The following RPIA variants were observed in gnomAD, a reference collection of about 807,000 sequenced individuals.
RPIA encodes ribose 5-phosphate isomerase A.
Under a neutral mutation model 37.8 loss-of-function variants are expected in RPIA, and 29 were observed. That is an observed-to-expected ratio of 0.77 (90% CI 0.57 to 1.05). RPIA has a LOEUF of 1.05. Among genes scored for constraint, RPIA ranks in the 50% least tolerant of loss-of-function variants. The probability of loss-of-function intolerance (pLI) is 0.00; values close to 1 mark genes in which losing one functional copy is unlikely to be tolerated. For missense variants in RPIA, 385 were observed against 413.6 expected (o/e 0.93, Z 0.60); for synonymous variants, 167 against 157.0 (o/e 1.06, Z -0.48).
At chr2:88,720,233 T>TA (rs1673102730) in intron 3 of RPIA, among the ~76,000 whole-genome samples, 3 of 145,964 alleles carry the variant, frequency 2.1e-5, no homozygotes, top group Admixed American at 7.0e-5. Flanking sequence ...AACCTTAATT[T>TA]AAAAAAAAAT....
At chr2:88,717,148 C>A (rs560225116) in intron 3 of RPIA, among the ~76,000 whole-genome samples, 1 of 152,242 alleles carries the variant, frequency 6.6e-6, no homozygotes, top group East Asian at 1.9e-4. Context: ...GAGATAATTT[C>A]TTTATGTCCA....
chr2:88,729,221 A>C, intron 3 of RPIA, 57 bp from the exon 4 acceptor site: 3 of 1,574,212 alleles, frequency 1.9e-6, no homozygotes, highest in Non-Finnish European at 2.6e-6. Context: ...GAATTCTGAG[A>C]ATCCTTGTCA....
chr2:88,736,028 A>G (rs1313825673), intron 6 of RPIA, among the ~76,000 whole-genome samples: 1 of 152,176 alleles, frequency 6.6e-6, no homozygotes, highest in Non-Finnish European at 1.5e-5. Flanking sequence ...GCATGCTCTC[A>G]TGTGTCATGT....
intron 3 of RPIA, among the ~76,000 whole-genome samples, chr2:88,722,225 T>C (rs942682494): frequency 1.3e-5 from 2 of 152,142 alleles, no homozygotes; most frequent in Non-Finnish European, 2.9e-5. Flanking sequence ...CAACTTGTTT[T>C]ATACATAACC....
intron 8 of RPIA, among the ~76,000 whole-genome samples, chr2:88,740,279 T>G (rs17037556): frequency 0.06 from 9,200 of 152,186 alleles, 490 homozygotes; most frequent in African/African-American, 0.14. Flanking sequence ...TCATATGTGA[T>G]TCTTCAAAAA....
At chr2:88,726,119 A>G (rs1355066224) in intron 3 of RPIA, among the ~76,000 whole-genome samples, 1 of 152,126 alleles carries the variant, frequency 6.6e-6, no homozygotes, top group African/African-American at 2.4e-5. Flanking sequence ...GTATGGGGGT[A>G]TGCAGGGGAA....
intron 3 of RPIA, among the ~76,000 whole-genome samples, chr2:88,711,263 A>G (rs1460325117): frequency 2.0e-5 from 3 of 152,240 alleles, no homozygotes; most frequent in African/African-American, 7.2e-5. Context: ...AAACCACCGC[A>G]AGGTGGTCAA....
intron 1 of RPIA, among the ~76,000 whole-genome samples, chr2:88,696,084 A>ATT (rs1282811475): frequency 1.3e-5 from 2 of 152,060 alleles, no homozygotes; most frequent in Non-Finnish European, 2.9e-5. Context: ...GGAATGAAGG[A>ATT]TTTTAGTTGT....
chr2:88,709,680 A>G (rs1388747009), intron 3 of RPIA, among the ~76,000 whole-genome samples: 1 of 152,180 alleles, frequency 6.6e-6, no homozygotes, highest in Non-Finnish European at 1.5e-5. Flanking sequence ...TTTGTTAGCC[A>G]TATCTGCTTT....
At chr2:88,736,406 C>T (rs1171377567) in intron 6 of RPIA, 129 bp from the exon 7 acceptor site, 3 of 836,392 alleles carry the variant, frequency 3.6e-6, no homozygotes, top group Non-Finnish European at 6.0e-6. Flanking sequence ...TTTGTAGCCC[C>T]ATGTATATTG....
intron 3 of RPIA, among the ~76,000 whole-genome samples, chr2:88,724,297 T>C (rs1055385224): frequency 4.6e-5 from 7 of 152,050 alleles, no homozygotes; most frequent in African/African-American, 7.3e-5. Flanking sequence ...GTTTCTTTCT[T>C]TTTTCTTTGT....
rs370351529 is a variant in RPIA, at chr2:88,709,035, C to T, written c.402+8971C>T. Among the ~76,000 whole-genome samples the T allele has an allele frequency of 6.2e-4, 95 of 152,308 alleles. 1 individual carries two copies. The highest frequency in any genetic ancestry group is 2.2e-3 in the African/African-American group (90 of 41,576). ...CCTCCCAAAGTGCTGGGGTTACAGG[C>T]GTGAGCCACCGCGCCCGGCCAGCCA... On this transcript the variant is annotated intron_variant, in intron 3 of 8. Coordinates refer to ENST00000283646, the MANE Select transcript of RPIA (RefSeq NM_144563.3).
intron 8 of RPIA, among the ~76,000 whole-genome samples, chr2:88,749,105 T>C (rs1291403723): frequency 6.6e-6 from 1 of 152,230 alleles, no homozygotes; most frequent in Non-Finnish European, 1.5e-5. Context: ...ACTATCAACA[T>C]CTTACACATG....
intron 3 of RPIA, among the ~76,000 whole-genome samples, chr2:88,703,204 A>C (rs1672854678): frequency 6.6e-6 from 1 of 152,112 alleles, no homozygotes; most frequent in African/African-American, 2.4e-5. Context: ...GCATGGTGCA[A>C]GCTGTCAGTG....
chr2:88,720,661 TGAGA>T (rs1673109276), intron 3 of RPIA, among the ~76,000 whole-genome samples: 1 of 151,190 alleles, frequency 6.6e-6, no homozygotes, highest in Non-Finnish European at 1.5e-5. Context: ...TTAATAGTTA[TGAGA>T]TACCATCTCA....
chr2:88,707,526 TA>T (rs1372580004), intron 3 of RPIA, among the ~76,000 whole-genome samples: 1 of 152,214 alleles, frequency 6.6e-6, no homozygotes, highest in Non-Finnish European at 1.5e-5. Flanking sequence ...GAGCAGCAGT[TA>T]CCCCTAGATA....
At chr2:88,692,094 T>C in intron 1 of RPIA, 111 bp downstream of exon 1, 1 of 1,360,222 alleles carries the variant, frequency 7.4e-7, no homozygotes, top group Non-Finnish European at 1.0e-6. Flanking sequence ...GGGCGGGAGC[T>C]GAGTGAGAGG....
rs1426156643 is a variant in RPIA, at chr2:88,750,412, T to G, written c.*334T>G. 8 of 420,012 alleles carry G rather than the reference T, an allele frequency of 1.9e-5. No individual in the cohort carries two copies. The highest frequency in any genetic ancestry group is 4.2e-6 in the Non-Finnish European group (1 of 238,716). The allele number at this position is 420,012 out of a possible 1,614,324, so 26.0% of individuals were successfully genotyped here. A position where few individuals can be genotyped will look rare whatever the true frequency, so the allele number is the denominator to read the frequency against. Reference sequence around the variant, plus strand: ...AAAACCTTTGACTTGAGTCTGCTGGTAAAGCTTCTGAATATTGAGTTTGCT... The same window carrying G: ...AAAACCTTTGACTTGAGTCTGCTGGGAAAGCTTCTGAATATTGAGTTTGCT... On this transcript the variant is annotated 3_prime_UTR_variant, in exon 9 of 9. Coordinates refer to ENST00000283646, the MANE Select transcript of RPIA (RefSeq NM_144563.3).
intron 3 of RPIA, among the ~76,000 whole-genome samples, chr2:88,714,102 T>C (rs1353394494): frequency 3.3e-5 from 5 of 152,114 alleles, no homozygotes; most frequent in East Asian, 1.9e-4. Context: ...ACAATGAAAA[T>C]ATTGTTGGAT....
Sources: gnomAD v4.1 joint callset for allele counts (sites outside exome capture counted in the v4.1 genomes callset) on GRCh38, gnomAD v4.1.1 for gene constraint, MANE v1.5 for transcripts, NCBI Gene and HGNC (gene_info 2026-07-23, HGNC 2026-07-21) for gene names.